Variants in COX10 observed in about 807,000 individuals in gnomAD.
COX10 encodes protoheme IX farnesyltransferase, mitochondrial.
In COX10, 27 loss-of-function variants were observed where a neutral mutation model predicts 37.3. The ratio of observed to expected loss-of-function variants is 0.72; its 90% confidence interval spans 0.53 to 1.00. COX10 has a LOEUF of 1.00. Among genes scored for constraint, COX10 ranks in the 50% least tolerant of loss-of-function variants. The pLI, the probability that COX10 is intolerant of heterozygous loss-of-function variation, is 0.00. For missense variants in COX10, 475 were observed against 563.2 expected (o/e 0.84, Z 1.59); for synonymous variants, 222 against 229.1 (o/e 0.97, Z 0.28).
intron 6 of COX10, among the ~76,000 whole-genome samples, chr17:14,197,765 G>A (rs1054267112): frequency 6.6e-6 from 1 of 152,216 alleles, no homozygotes; most frequent in Non-Finnish European, 1.5e-5. Context: ...GTGCTGTGCC[G>A]CAAAGCATGG....
intron 4 of COX10, among the ~76,000 whole-genome samples, chr17:14,158,179 A>T (rs998686509): frequency 1.3e-5 from 2 of 152,102 alleles, no homozygotes; most frequent in African/African-American, 4.8e-5. Context: ...AAGAAAGAAA[A>T]AAATAAATAA....
At chr17:14,157,153 AC>A (rs1905058262) in intron 4 of COX10, among the ~76,000 whole-genome samples, 1 of 152,242 alleles carries the variant, frequency 6.6e-6, no homozygotes, top group Non-Finnish European at 1.5e-5. Context: ...ATATAAAAAG[AC>A]AGTGGCTTGT....
intron 4 of COX10, among the ~76,000 whole-genome samples, chr17:14,108,895 G>A (rs1915955151): frequency 6.6e-6 from 1 of 152,118 alleles, no homozygotes; most frequent in Non-Finnish European, 1.5e-5. Context: ...AATAGAAACT[G>A]ACTTTCATCT....
At chr17:14,135,253 A>G (rs1351914774) in intron 4 of COX10, among the ~76,000 whole-genome samples, 2 of 151,774 alleles carry the variant, frequency 1.3e-5, no homozygotes, top group Non-Finnish European at 2.9e-5. Context: ...TATTATACAG[A>G]TGTTGTTAAG....
intron 5 of COX10, among the ~76,000 whole-genome samples, chr17:14,178,810 C>G (rs1234697983): frequency 6.6e-6 from 1 of 152,070 alleles, no homozygotes; most frequent in Non-Finnish European, 1.5e-5. Flanking sequence ...AATTCCAAAT[C>G]TTTATGAGAG....
At chr17:14,195,907 A>T (rs1405864435) in intron 6 of COX10, among the ~76,000 whole-genome samples, 1 of 152,196 alleles carries the variant, frequency 6.6e-6, no homozygotes, top group Admixed American at 6.5e-5. Context: ...TCTTGAAAAT[A>T]CCTGGAGATT....
intron 4 of COX10, among the ~76,000 whole-genome samples, chr17:14,155,664 A>G (rs1905023064): frequency 6.6e-6 from 1 of 151,744 alleles, no homozygotes; most frequent in Admixed American, 6.6e-5. Context: ...GCAGTGAGCC[A>G]AGATTGTGCC....
chr17:14,188,031 C>T (rs1906085587), intron 5 of COX10, among the ~76,000 whole-genome samples: 3 of 151,724 alleles, frequency 2.0e-5, no homozygotes, highest in South Asian at 2.1e-4. Flanking sequence ...AAGGGCTTTT[C>T]GTAACACTAA....
chr17:14,119,053 GT>G (rs1374168158), intron 4 of COX10, among the ~76,000 whole-genome samples: 2 of 151,916 alleles, frequency 1.3e-5, no homozygotes, highest in Non-Finnish European at 2.9e-5. Context: ...ATGTTGGGGA[GT>G]TTTGACAGTT....
intron 5 of COX10, among the ~76,000 whole-genome samples, chr17:14,191,232 A>T (rs1210381866): frequency 4.6e-5 from 7 of 151,828 alleles, no homozygotes; most frequent in Non-Finnish European, 1.0e-4. Context: ...AAACAGGCTT[A>T]TAATAATCAT....
intron 1 of COX10, among the ~76,000 whole-genome samples, chr17:14,070,370 T>C (rs1169351587): frequency 6.6e-6 from 1 of 152,228 alleles, no homozygotes; most frequent in African/African-American, 2.4e-5. Context: ...TACTTGTTTA[T>C]TTATATACTC....
chr17:14,128,885 C>T (rs1228463556), intron 4 of COX10, among the ~76,000 whole-genome samples: 4 of 152,204 alleles, frequency 2.6e-5, no homozygotes, highest in Non-Finnish European at 5.9e-5. Flanking sequence ...TGCTCTGTCG[C>T]GCCCAGGCGA....
chr17:14,081,944 T>C (rs1915304571), intron 3 of COX10, among the ~76,000 whole-genome samples: 2 of 152,104 alleles, frequency 1.3e-5, no homozygotes, highest in South Asian at 4.1e-4. Context: ...ATGAGTTCAA[T>C]TTTGGATAAG....
intron 6 of COX10, among the ~76,000 whole-genome samples, chr17:14,204,869 A>G (rs1906647498): frequency 6.6e-6 from 1 of 152,202 alleles, no homozygotes; most frequent in South Asian, 2.1e-4. Flanking sequence ...TGAGAGGCTG[A>G]GGCAGGAGGA....
chr17:14,172,754 A>C (rs963579431), intron 5 of COX10, among the ~76,000 whole-genome samples: 8 of 150,238 alleles, frequency 5.3e-5, no homozygotes, highest in Admixed American at 5.3e-4. Context: ...ATTTTTTTTT[A>C]CTTTGTGTGG....
intron 6 of COX10, among the ~76,000 whole-genome samples, chr17:14,196,866 T>C (rs1906383484): frequency 6.6e-6 from 1 of 152,184 alleles, no homozygotes; most frequent in Non-Finnish European, 1.5e-5. Context: ...TGATCATCCT[T>C]TGAAGACGCA....
chr17:14,157,185 G>A (rs555123120), intron 4 of COX10, among the ~76,000 whole-genome samples: 190 of 152,328 alleles, frequency 1.2e-3, no homozygotes, highest in African/African-American at 4.4e-3. Context: ...AACAGGTACA[G>A]GCTGGATTTG....
intron 4 of COX10, among the ~76,000 whole-genome samples, chr17:14,133,789 G>A (rs1430338280): frequency 6.6e-6 from 1 of 151,606 alleles, no homozygotes; most frequent in Non-Finnish European, 1.5e-5. Flanking sequence ...TTGCAGATAA[G>A]AAATTTTCTT....
intron 4 of COX10, among the ~76,000 whole-genome samples, chr17:14,104,500 C>CT (rs1373583322): frequency 6.6e-6 from 1 of 152,020 alleles, no homozygotes; most frequent in Non-Finnish European, 1.5e-5. Context: ...GTTTACTATA[C>CT]TTTTTTTAGA....
Sources: gnomAD v4.1 joint callset for allele counts (sites outside exome capture counted in the v4.1 genomes callset) on GRCh38, gnomAD v4.1.1 for gene constraint, MANE v1.5 for transcripts, NCBI Gene and HGNC (gene_info 2026-07-23, HGNC 2026-07-21) for gene names.